The following FBXL20 variants were observed in gnomAD, a reference collection of about 807,000 sequenced individuals.
The protein encoded by FBXL20 is F-box and leucine rich repeat protein 20.
FBXL20 carries 11 observed loss-of-function variants against 64.0 expected under a neutral mutation model. That is an observed-to-expected ratio of 0.17 (90% CI 0.11 to 0.28). The LOEUF (loss-of-function observed/expected upper bound fraction) is 0.28, where lower values mean the gene tolerates loss of function less well. FBXL20 is among the 10% of genes least tolerant of loss of function. FBXL20 has a pLI of 1.00. For synonymous variants in FBXL20, 184 were observed against 189.0 expected, an observed-to-expected ratio of 0.97 and a Z score of 0.22; for missense variants, 303 against 526.2, an observed-to-expected ratio of 0.58 and a Z score of 4.15.
At chr17:39,289,153 C>T (rs940408025) in intron 6 of FBXL20, among the ~76,000 whole-genome samples, 1 of 152,228 alleles carries the variant, frequency 6.6e-6, no homozygotes, top group South Asian at 2.1e-4. Context: ...CCCTGATGAA[C>T]GTTCCTGTAA....
At chr17:39,300,431 A>C (rs1175121563) in intron 4 of FBXL20, among the ~76,000 whole-genome samples, 2 of 152,164 alleles carry the variant, frequency 1.3e-5, no homozygotes, top group Non-Finnish European at 2.9e-5. Flanking sequence ...GTTTAAAATA[A>C]TTTAAGTGTA....
chr17:39,275,615 G>A (rs2046883077), intron 9 of FBXL20, among the ~76,000 whole-genome samples: 1 of 150,880 alleles, frequency 6.6e-6, no homozygotes, highest in Admixed American at 6.6e-5. Flanking sequence ...TGGGGTTTTT[G>A]GCCAGGCTGG....
intron 2 of FBXL20, among the ~76,000 whole-genome samples, chr17:39,326,363 T>A (rs2047408803): frequency 6.6e-6 from 1 of 151,298 alleles, no homozygotes; most frequent in Admixed American, 6.6e-5. Flanking sequence ...AAAGTTAACT[T>A]AAAAAAAAAT....
intron 1 of FBXL20, 74 bp downstream of exon 1, chr17:39,401,287 T>C: frequency 6.2e-7 from 1 of 1,608,428 alleles, no homozygotes; most frequent in Non-Finnish European, 8.5e-7. Flanking sequence ...GGAGGCTCCG[T>C]GCGGAGCGGA....
At chr17:39,375,681 TC>T (rs1356690940) in intron 1 of FBXL20, among the ~76,000 whole-genome samples, 1 of 152,152 alleles carries the variant, frequency 6.6e-6, no homozygotes, top group Non-Finnish European at 1.5e-5. Context: ...TTTTGAAAAA[TC>T]AAATTTTTTT....
intron 6 of FBXL20, among the ~76,000 whole-genome samples, chr17:39,295,978 G>A (rs2047082077): frequency 6.6e-6 from 1 of 151,784 alleles, no homozygotes; most frequent in South Asian, 2.1e-4. Flanking sequence ...CCTATCTTTT[G>A]CTATTACAAG....
chr17:39,378,371 G>A (rs2047989657), intron 1 of FBXL20, among the ~76,000 whole-genome samples: 1 of 152,166 alleles, frequency 6.6e-6, no homozygotes. Flanking sequence ...CTACTTGAGA[G>A]GCGTAGGCAG....
At chr17:39,281,166 T>G (rs2046947043) in intron 9 of FBXL20, among the ~76,000 whole-genome samples, 1 of 152,184 alleles carries the variant, frequency 6.6e-6, no homozygotes, top group Non-Finnish European at 1.5e-5. Context: ...TTAGTTCATC[T>G]GGAATTCTGC....
Position 39,401,476 on chromosome 17 carries a change from C to G in FBXL20, c.-74G>C. ...ACAGACCGGGGGCCCAGGACAGGCC[C>G]GGGAGTTCCGGGACGGGGACTGGGC... On this transcript the variant is annotated 5_prime_UTR_variant, in exon 1 of 15. Transcript: ENST00000264658. 6.6e-7 allele frequency: 1 copy of G among 1,525,640 alleles called. No homozygotes were observed. 94.5% of individuals were successfully genotyped at this position (1,525,640 alleles called of 1,614,324 possible). A position where few individuals can be genotyped will look rare whatever the true frequency, so the allele number is the denominator to read the frequency against.
At chr17:39,328,682 A>G (rs1241068426) in intron 2 of FBXL20, among the ~76,000 whole-genome samples, 1 of 152,248 alleles carries the variant, frequency 6.6e-6, no homozygotes, top group East Asian at 1.9e-4. Flanking sequence ...TCACAATCAT[A>G]TTGCAACTGC....
At chr17:39,367,804 G>A (rs2047875603) in intron 1 of FBXL20, among the ~76,000 whole-genome samples, 1 of 150,422 alleles carries the variant, frequency 6.6e-6, no homozygotes, top group Non-Finnish European at 1.5e-5. Flanking sequence ...CAGCCTGGCT[G>A]GAAGGCTGGA....
At chr17:39,342,696 G>A (rs1460561062) in intron 2 of FBXL20, among the ~76,000 whole-genome samples, 1 of 151,954 alleles carries the variant, frequency 6.6e-6, no homozygotes, top group South Asian at 2.1e-4. Flanking sequence ...CAGCCTGGGC[G>A]ACAGAGAGAG....
chr17:39,301,112 TA>T (rs1167089138), intron 3 of FBXL20, 37 bp from the exon 4 acceptor site: 7 of 1,582,898 alleles, frequency 4.4e-6, no homozygotes, highest in Non-Finnish European at 6.1e-6. Flanking sequence ...GAGCAGAAGC[TA>T]AAATTAAGGG....
At chr17:39,347,217 C>G (rs1009499546) in intron 1 of FBXL20, among the ~76,000 whole-genome samples, 6 of 152,082 alleles carry the variant, frequency 3.9e-5, no homozygotes, top group Admixed American at 6.6e-5. Flanking sequence ...GTAATGGGAT[C>G]GCTGGGTCAA....
At chr17:39,270,520 G>A (rs903145197) in intron 11 of FBXL20, among the ~76,000 whole-genome samples, 5 of 151,934 alleles carry the variant, frequency 3.3e-5, no homozygotes, top group Non-Finnish European at 7.4e-5. Flanking sequence ...CTCCAGCCTG[G>A]GTGACAGAGC....
At chr17:39,281,240 G>T in intron 9 of FBXL20, 149 bp downstream of exon 9, 1 of 679,140 alleles carries the variant, frequency 1.5e-6, no homozygotes, top group Non-Finnish European at 2.5e-6. Flanking sequence ...TGTTAAGCAC[G>T]TCAAAAGTCA....
At chr17:39,332,055 G>C (rs968346229) in intron 2 of FBXL20, among the ~76,000 whole-genome samples, 6 of 152,166 alleles carry the variant, frequency 3.9e-5, no homozygotes, top group African/African-American at 1.4e-4. Flanking sequence ...AACAGCAAGT[G>C]TATGACAGAA....
At chr17:39,388,219 G>A (rs1447588721) in intron 1 of FBXL20, among the ~76,000 whole-genome samples, 1 of 152,042 alleles carries the variant, frequency 6.6e-6, no homozygotes, top group Non-Finnish European at 1.5e-5. Flanking sequence ...CACTTTGGGA[G>A]ACCAAGGCAG....
chr17:39,329,612 T>C (rs141629394), intron 2 of FBXL20, among the ~76,000 whole-genome samples: 131 of 152,262 alleles, frequency 8.6e-4, no homozygotes, highest in Admixed American at 3.4e-3. Context: ...TATATGTATA[T>C]ATAATGTTTT....
Sources: gnomAD v4.1 joint callset for allele counts (sites outside exome capture counted in the v4.1 genomes callset) on GRCh38, gnomAD v4.1.1 for gene constraint, MANE v1.5 for transcripts, NCBI Gene and HGNC (gene_info 2026-07-23, HGNC 2026-07-21) for gene names.